FRMD4A: variants seen among roughly 807,000 people sequenced by gnomAD.
FRMD4A encodes FERM domain containing 4A.
A neutral mutation model predicts 129.1 loss-of-function variants in FRMD4A; 29 were observed. The ratio of observed to expected loss-of-function variants is 0.22; its 90% CI spans 0.17 to 0.31. The LOEUF is 0.31. Ranked by LOEUF, FRMD4A falls within the 10% of genes least tolerant of loss-of-function variation. The pLI, the probability that FRMD4A is intolerant of heterozygous loss-of-function variation, is 1.00. For missense variants in FRMD4A, 1,272 were observed against 1,375.8 expected (o/e 0.92, Z 1.19); for synonymous variants, 634 against 571.6 (o/e 1.11, Z -1.56).
chr10:13,939,369 C>T (rs961289095), intron 2 of FRMD4A, among the ~76,000 whole-genome samples: 7 of 152,104 alleles, frequency 4.6e-5, no homozygotes, highest in South Asian at 2.1e-4. Context: ...AGCTGTAATG[C>T]ATTATTTGGG....
chr10:13,821,978 G>A lies in FRMD4A; in HGVS notation c.112-11070C>T, dbSNP rs573076154. 2.0e-5 allele frequency among the ~76,000 whole-genome samples: 3 copies of A among 152,222 alleles called. No homozygotes were observed. The highest frequency in any genetic ancestry group is 1.9e-4 in the East Asian group (1 of 5,188). On this transcript the variant is annotated intron_variant, in intron 3 of 24. Transcript: ENST00000357447. This position sits in a 1 kb window ranked among gnomAD's most constrained non-coding sequence, Gnocchi z 4.3. ...GGGACAGAGCAGGTCTCGAAGATCC[G>A]AAGCAGGAAGGAAAGAAACAAAGTA...
In FRMD4A at chr10:13,651,990, C is replaced by G; in HGVS notation, c.3051-16G>C. The G allele has an allele frequency of 6.8e-7, 1 of 1,473,378 alleles. No individual in the cohort carries two copies. The highest frequency in any genetic ancestry group is 9.5e-7 in the Non-Finnish European group (1 of 1,051,738). The allele number at this position is 1,473,378 out of a possible 1,614,324, so 91.3% of individuals were successfully genotyped here. ...TGTTGCTTCTCTGAACAAAGGAAAG[C>G]AGGAGGAGGAAGAGAAGAGAGGTCA... On this transcript the variant is annotated splice_polypyrimidine_tract_variant and intron_variant, in intron 23 of 24. Coordinates refer to ENST00000357447, the MANE Select transcript of FRMD4A (RefSeq NM_018027.5).
intron 24 of FRMD4A, chr10:13,647,684 A>G (rs1205324923): frequency 6.6e-6 from 1 of 151,468 alleles, no homozygotes; most frequent in African/African-American, 2.4e-5. Flanking sequence ...TGTGATTATA[A>G]AAGTGTGTTC....
intron 8 of FRMD4A, among the ~76,000 whole-genome samples, chr10:13,753,863 C>T (rs1317419079): frequency 2.0e-5 from 3 of 152,098 alleles, no homozygotes; most frequent in Non-Finnish European, 4.4e-5. Context: ...ATTTCTGTTG[C>T]TAATTGTTAA....
intron 2 of FRMD4A, among the ~76,000 whole-genome samples, chr10:14,063,731 A>G (rs558191703): frequency 6.6e-6 from 1 of 152,080 alleles, no homozygotes; most frequent in Non-Finnish European, 1.5e-5. Flanking sequence ...GTTTTAAACC[A>G]CACAATCTTG....
At chr10:14,250,965 A>G (rs1244768257) in intron 2 of FRMD4A, among the ~76,000 whole-genome samples, 1 of 152,226 alleles carries the variant, frequency 6.6e-6, no homozygotes, top group African/African-American at 2.4e-5. Context: ...TTAGCATTCC[A>G]TGCCCCAGTT....
chr10:13,778,611 GTGTGTGTGTGTT>G (rs762869945), intron 6 of FRMD4A, among the ~76,000 whole-genome samples: 3,849 of 151,718 alleles, frequency 0.025, 89 homozygotes, highest in African/African-American at 0.053. Flanking sequence ...GTGTGTGTGT[GTGTGTGTGTGTT>G]TGTGTGTGTG....
intron 2 of FRMD4A, among the ~76,000 whole-genome samples, chr10:14,062,149 C>A (rs1185128252): frequency 6.6e-6 from 1 of 152,098 alleles, no homozygotes; most frequent in African/African-American, 2.4e-5. Flanking sequence ...TGTAAATGCC[C>A]TTCAAAAAGA....
intron 2 of FRMD4A, among the ~76,000 whole-genome samples, chr10:14,329,579 T>C (rs1041775738): frequency 1.3e-5 from 2 of 152,174 alleles, no homozygotes; most frequent in Admixed American, 1.3e-4. Flanking sequence ...GAAGCCACAG[T>C]GAACCTCCTC....
chr10:13,667,357 C>A (rs1332357653), intron 17 of FRMD4A: 65 of 150,446 alleles, frequency 4.3e-4, no homozygotes, highest in African/African-American at 1.4e-3. Flanking sequence ...CCCACCCCCC[C>A]AGCTCACTTG....
At chr10:14,075,774 GCA>G (rs375082567) in intron 2 of FRMD4A, among the ~76,000 whole-genome samples, 78 of 151,322 alleles carry the variant, frequency 5.2e-4, no homozygotes, top group African/African-American at 1.5e-3. Context: ...ATATGTATAT[GCA>G]CACACACACA....
chr10:13,836,513 T>G (rs1044068541), intron 3 of FRMD4A, among the ~76,000 whole-genome samples: 2 of 152,136 alleles, frequency 1.3e-5, no homozygotes, highest in African/African-American at 4.8e-5. Context: ...AAATGCGAAG[T>G]GGCTTGTTTG....
At position 13,808,349 on chromosome 10, in the gene FRMD4A, G is replaced by A. The variant is rs551500002; in HGVS notation, c.206+2465C>T. 1.2e-4 allele frequency among the ~76,000 whole-genome samples: 18 copies of A among 152,296 alleles called. No individual in the cohort carries two copies. The East Asian group carries it at 3.5e-3, about 29-fold the overall frequency. Reference sequence around the variant, plus strand: ...ACACACACATGCTCACAATACACATGCAGAATTAGAAAACACGGTTATAAA... The same window carrying A: ...ACACACACATGCTCACAATACACATACAGAATTAGAAAACACGGTTATAAA... On this transcript the variant is annotated intron_variant, in intron 4 of 24. Coordinates refer to ENST00000357447, the MANE Select transcript of FRMD4A (RefSeq NM_018027.5).
intron 4 of FRMD4A, among the ~76,000 whole-genome samples, chr10:13,797,454 C>T (rs1008534712): frequency 4.6e-5 from 7 of 152,068 alleles, no homozygotes; most frequent in Admixed American, 3.9e-4. Context: ...CCAGCCCGTG[C>T]AAAGGCCCCG....
chr10:13,657,432 C>T lies in FRMD4A; in HGVS notation c.2157G>A (p.Leu719=), dbSNP rs199643305. Residue 719 remains leucine (L), a synonymous_variant, in exon 22 of 25, where the codon CTG becomes CTA. Coordinates refer to ENST00000357447, the MANE Select transcript of FRMD4A (RefSeq NM_018027.5). ...GGCTCCCGGTGTCGTTTTCCGAGCC[C>T]AGGAGCTTGCCCTGGGACTCCAGGC... The part of the protein sequence containing the change: ...SSSLESQGKL[L]GSENDTGSPD... 1 of 1,612,694 alleles carries T rather than the reference C, an allele frequency of 6.2e-7. No homozygotes were observed. Among genetic ancestry groups the T allele is most frequent in the East Asian group, 2.2e-5 (1 of 44,856 alleles).
intron 2 of FRMD4A, among the ~76,000 whole-genome samples, chr10:14,165,097 T>C (rs150464882): frequency 0.012 from 1,775 of 152,284 alleles, 26 homozygotes; most frequent in African/African-American, 0.04. Context: ...GAGAAAATAT[T>C]TGCAAACTAT....
chr10:13,757,972 G>A (rs999428512), intron 8 of FRMD4A, among the ~76,000 whole-genome samples: 2 of 152,110 alleles, frequency 1.3e-5, no homozygotes, highest in African/African-American at 2.4e-5. Flanking sequence ...TTGAACTCTC[G>A]ACCTTAGGTG....
At chr10:14,129,987 A>G (rs1839155717) in intron 2 of FRMD4A, among the ~76,000 whole-genome samples, 1 of 151,978 alleles carries the variant, frequency 6.6e-6, no homozygotes, top group African/African-American at 2.4e-5. Flanking sequence ...CTATGGTTCC[A>G]GGCTTGTTCT....
intron 5 of FRMD4A, among the ~76,000 whole-genome samples, chr10:13,790,338 G>A (rs10906485): frequency 7.2e-5 from 11 of 152,136 alleles, no homozygotes; most frequent in African/African-American, 2.2e-4. Flanking sequence ...AGTGGAGATG[G>A]CCTGGAGCTC....
Sources: gnomAD v4.1 joint callset for allele counts (sites outside exome capture counted in the v4.1 genomes callset) on GRCh38, gnomAD v4.1.1 for gene constraint, Gnocchi (gnomAD v3.1) non-coding constraint, MANE v1.5 for transcripts, NCBI Gene and HGNC (gene_info 2026-07-23, HGNC 2026-07-21) for gene names.